PSMA1: variants seen among roughly 807,000 people sequenced by gnomAD.
PSMA1 encodes the protein proteasome 20S subunit alpha 1, also known as proteasome subunit alpha type-1.
A neutral mutation model predicts 38.4 loss-of-function variants in PSMA1; 3 were observed. The ratio of observed to expected loss-of-function variants is 0.08; its 90% CI spans 0.04 to 0.20. The LOEUF (loss-of-function observed/expected upper bound fraction) is 0.20. Ranked by LOEUF, PSMA1 falls within the 10% of genes least tolerant of loss-of-function variation. The pLI is 1.00. For synonymous variants in PSMA1, 101 were observed against 107.1 expected (o/e 0.94, Z 0.35); for missense variants, 227 against 325.3 (o/e 0.70, Z 2.32).
Position 14,630,536 on chromosome 11 carries a change from G to A in PSMA1, c.-166+12919C>T, listed in dbSNP as rs1199867499. On this transcript the variant is annotated intron_variant, in intron 1 of 10. Transcript: ENST00000418988. ...AAGCCCACTTGGTCATGGTGGATAA[G>A]CTTTTTGATGTGCTGCTGGATTCGG... Among the ~76,000 whole-genome samples the A allele has an allele frequency of 7.9e-4, 120 of 152,130 alleles. No individual in the cohort carries two copies. The East Asian group carries it at 0.021, about 27-fold the overall frequency.
At chr11:14,549,336 C>G (rs1273097351) in intron 2 of PSMA1, among the ~76,000 whole-genome samples, 1 of 152,152 alleles carries the variant, frequency 6.6e-6, no homozygotes, top group Non-Finnish European at 1.5e-5. Context: ...AAATCTCACT[C>G]TACTCTCTTG....
chr11:14,514,085 G>C, intron 5 of PSMA1, 198 bp from the exon 6 acceptor site: 1 of 1,317,624 alleles, frequency 7.6e-7, no homozygotes, highest in Non-Finnish European at 9.6e-7. Flanking sequence ...AAGAGTGCCA[G>C]CAAAATAATT....
intron 2 of PSMA1, among the ~76,000 whole-genome samples, chr11:14,594,972 T>C (rs901234245): frequency 1.3e-5 from 2 of 148,284 alleles, no homozygotes; most frequent in Non-Finnish European, 3.0e-5. Flanking sequence ...AGTGATCTCA[T>C]TGTTCAATTC....
intron 2 of PSMA1, among the ~76,000 whole-genome samples, chr11:14,596,424 C>A (rs970464888): frequency 2.0e-5 from 3 of 152,128 alleles, no homozygotes; most frequent in Non-Finnish European, 4.4e-5. Context: ...TTTCCTTGAG[C>A]AGTGGTTTGT....
intron 1 of PSMA1, among the ~76,000 whole-genome samples, chr11:14,626,679 G>A (rs1484772602): frequency 1.3e-5 from 2 of 152,136 alleles, no homozygotes; most frequent in African/African-American, 2.4e-5. Context: ...TTACCCTGTA[G>A]GCTGTTGCAA....
intron 1 of PSMA1, among the ~76,000 whole-genome samples, chr11:14,619,204 T>G (rs1001206655): frequency 3.9e-5 from 6 of 152,114 alleles, no homozygotes; most frequent in African/African-American, 1.4e-4. Context: ...ATCCCAGCAC[T>G]TTGGGAGGCG....
At chr11:14,590,596 G>T (rs950834320) in intron 2 of PSMA1, among the ~76,000 whole-genome samples, 1 of 152,158 alleles carries the variant, frequency 6.6e-6, no homozygotes, top group Non-Finnish European at 1.5e-5. Context: ...TAGAAGTGGG[G>T]TTGAAACCAC....
intron 4 of PSMA1, among the ~76,000 whole-genome samples, chr11:14,515,781 G>A (rs190478435): frequency 2.0e-5 from 3 of 151,300 alleles, no homozygotes; most frequent in Admixed American, 1.3e-4. Flanking sequence ...CTTGAACTCC[G>A]GACCTCAGGT....
chr11:14,534,108 G>A lies in PSMA1; in HGVS notation c.22-15067C>T, dbSNP rs536006722. 3.1e-3 allele frequency among the ~76,000 whole-genome samples: 473 copies of A among 152,298 alleles called. 2 individuals are homozygous for A. Among genetic ancestry groups the A allele is most frequent in the Non-Finnish European group, 5.5e-3 (371 of 68,020 alleles). On this transcript the variant is annotated intron_variant, in intron 2 of 10. Transcript: ENST00000418988. The surrounding 1 kb of genome is among the most constrained non-coding windows in gnomAD (Gnocchi z 4.5). ...AGGCAGGAGAATCACTTGAACCCAG[G>A]AGGTGGAGGTTGCAGTGAGCCGAAA...
chr11:14,561,636 A>T (rs911243910), intron 2 of PSMA1, among the ~76,000 whole-genome samples: 4 of 151,626 alleles, frequency 2.6e-5, no homozygotes, highest in Non-Finnish European at 5.9e-5. Context: ...CCCATTCCCA[A>T]CTCCACCTGG....
At chr11:14,632,963 C>T (rs1277171372) in intron 1 of PSMA1, among the ~76,000 whole-genome samples, 70 of 149,512 alleles carry the variant, frequency 4.7e-4, no homozygotes, top group African/African-American at 1.7e-3. Context: ...TCACGTAGTT[C>T]TCGAGCCTTG....
At chr11:14,607,113 G>A (rs143835648) in intron 2 of PSMA1, among the ~76,000 whole-genome samples, 1 of 152,336 alleles carries the variant, frequency 6.6e-6, no homozygotes, top group African/African-American at 2.4e-5. Context: ...AATAAGGAAA[G>A]TCACCAGTGT....
chr11:14,536,474 CAG>C (rs1345417695), intron 2 of PSMA1, among the ~76,000 whole-genome samples: 1 of 151,742 alleles, frequency 6.6e-6, no homozygotes, highest in Non-Finnish European at 1.5e-5. Context: ...TTGCAGTGAG[CAG>C]AGATCTTGCC....
chr11:14,570,983 C>T (rs980455286), intron 2 of PSMA1, among the ~76,000 whole-genome samples: 1 of 152,160 alleles, frequency 6.6e-6, no homozygotes, highest in African/African-American at 2.4e-5. Context: ...AAAGGGAAGC[C>T]CATCATACTC....
chr11:14,511,960 G>A (rs1487238102), intron 7 of PSMA1, among the ~76,000 whole-genome samples: 1 of 152,156 alleles, frequency 6.6e-6, no homozygotes, highest in African/African-American at 2.4e-5. Flanking sequence ...CTATATAGTT[G>A]CAATGAATAA....
At chr11:14,520,161 C>T (rs1197935962) in intron 1 of PSMA1, 136 bp downstream of exon 1, 1 of 1,378,628 alleles carries the variant, frequency 7.3e-7, no homozygotes, top group Non-Finnish European at 1.0e-6. Context: ...GAATCACTGC[C>T]GGAGCCCGGC....
intron 8 of PSMA1, among the ~76,000 whole-genome samples, chr11:14,508,744 C>T (rs1161783638): frequency 1.3e-5 from 2 of 152,138 alleles, no homozygotes; most frequent in Non-Finnish European, 2.9e-5. Flanking sequence ...CTCCCATTCT[C>T]TCCTGATTCC....
chr11:14,506,134 T>G (rs1851239755), intron 9 of PSMA1, among the ~76,000 whole-genome samples: 1 of 152,168 alleles, frequency 6.6e-6, no homozygotes, highest in Non-Finnish European at 1.5e-5. Context: ...ATATGTGGAT[T>G]TTCAACCATG....
chr11:14,641,323 C>T (rs978968980), intron 1 of PSMA1, among the ~76,000 whole-genome samples: 1 of 151,844 alleles, frequency 6.6e-6, no homozygotes, highest in Admixed American at 6.6e-5. Flanking sequence ...ACCTAAAGAA[C>T]TAAGTAATTT....
Sources: allele counts gnomAD v4.1 joint callset (sites outside exome capture counted in the v4.1 genomes callset), GRCh38; gene constraint gnomAD v4.1.1; non-coding constraint Gnocchi (gnomAD v3.1); transcripts MANE v1.5; gene names NCBI Gene and HGNC (gene_info 2026-07-23, HGNC 2026-07-21).